ANO3: variants seen among roughly 807,000 people sequenced by gnomAD.
The protein encoded by ANO3 is anoctamin-3.
ANO3 carries 99 observed loss-of-function variants against 144.8 expected under a neutral mutation model. The ratio of observed to expected loss-of-function variants is 0.68; its 90% CI spans 0.58 to 0.81. The LOEUF (loss-of-function observed/expected upper bound fraction) is 0.81, where lower values mean the gene tolerates loss of function less well. ANO3 is among the 30% of genes least tolerant of loss of function. ANO3 has a pLI of 0.00. For missense variants in ANO3, 905 were observed against 1,202.2 expected, an observed-to-expected ratio of 0.75 and a Z score of 3.66; for synonymous variants, 414 against 392.6, an observed-to-expected ratio of 1.05 and a Z score of -0.64.
Position 26,641,866 on chromosome 11 carries a change from C to T in ANO3, c.2142-30C>T, listed in dbSNP as rs1213115625. 7 of 1,606,532 alleles carry T rather than the reference C, an allele frequency of 4.4e-6. No individual in the cohort carries two copies. In the Admixed American group the frequency reaches 1.0e-4, roughly 23 times the overall value. ...TTAACCAGATGCTTGAATCAGAGCT[C>T]AAAAGTCCTTGGTCTGCTCTGTGAT... On this transcript the variant is annotated intron_variant, in intron 21 of 26. Transcript: ENST00000256737.
chr11:26,425,699 A>G (rs1295572256), intron 1 of ANO3, among the ~76,000 whole-genome samples: 1 of 152,120 alleles, frequency 6.6e-6, no homozygotes, highest in Non-Finnish European at 1.5e-5. Flanking sequence ...ATTTCATTCA[A>G]AATTTGCTTT....
chr11:26,662,689 A>G lies in ANO3; in HGVS notation c.*2245A>G, dbSNP rs1200453587. 6.6e-6 allele frequency: 1 copy of G among 152,082 alleles called. No homozygotes were observed. Among genetic ancestry groups the G allele is most frequent in the African/African-American group, 2.4e-5 (1 of 41,442 alleles). The allele number at this position is 152,082 out of a possible 1,614,324, so 9.4% of individuals were successfully genotyped here. A position where few individuals can be genotyped will look rare whatever the true frequency, so the allele number is the denominator to read the frequency against. On this transcript the variant is annotated 3_prime_UTR_variant, in exon 27 of 27. Coordinates refer to ENST00000256737, the MANE Select transcript of ANO3 (RefSeq NM_031418.4). Reference sequence around the variant, plus strand: ...AAAATTGTAATACATTGATTTATAAAATGCCTTCTCTGATACTTTTGAAAC... The same window carrying G: ...AAAATTGTAATACATTGATTTATAAGATGCCTTCTCTGATACTTTTGAAAC...
intron 1 of ANO3, among the ~76,000 whole-genome samples, chr11:26,417,133 G>C (rs1266219613): frequency 1.3e-5 from 2 of 152,034 alleles, no homozygotes; most frequent in East Asian, 3.9e-4. Flanking sequence ...CATGATTCTA[G>C]AAAATGAATC....
intron 1 of ANO3, among the ~76,000 whole-genome samples, chr11:26,422,878 A>G (rs16915662): frequency 0.15 from 22,862 of 151,934 alleles, 1,903 homozygotes; most frequent in South Asian, 0.3. Flanking sequence ...CTCTGAGAAC[A>G]TTAGGATATC....
At chr11:26,270,302 C>T (rs1227104928) in intron 1 of ANO3, among the ~76,000 whole-genome samples, 1 of 152,052 alleles carries the variant, frequency 6.6e-6, no homozygotes, top group Non-Finnish European at 1.5e-5. Flanking sequence ...ATTTAAACTT[C>T]TTGATTGGGG....
chr11:26,635,310 A>G (rs1467155962), intron 20 of ANO3, among the ~76,000 whole-genome samples: 1 of 151,726 alleles, frequency 6.6e-6, no homozygotes, highest in Non-Finnish European at 1.5e-5. Flanking sequence ...TTATTTACAG[A>G]CCCCAGGAAT....
intron 3 of ANO3, among the ~76,000 whole-genome samples, chr11:26,448,945 A>G (rs1858813338): frequency 6.6e-6 from 1 of 152,172 alleles, no homozygotes; most frequent in Admixed American, 6.5e-5. Flanking sequence ...CTCCTTATAG[A>G]TGATTTTCCA....
At chr11:26,565,622 G>T (rs534399976) in intron 14 of ANO3, 1 of 1,612,410 alleles carries the variant, frequency 6.2e-7, no homozygotes, top group East Asian at 2.2e-5. Context: ...CGTGGCTGTT[G>T]TTGGGTAGAT....
chr11:26,295,515 C>CAAAAAAA (rs71047842), intron 1 of ANO3, among the ~76,000 whole-genome samples: 2 of 66,112 alleles, frequency 3.0e-5, no homozygotes, highest in African/African-American at 8.6e-5. Flanking sequence ...GACTCTGTCT[C>CAAAAAAA]AAAAAAAAAA....
At chr11:26,353,554 A>G (rs568809293) in intron 1 of ANO3, among the ~76,000 whole-genome samples, 1 of 151,840 alleles carries the variant, frequency 6.6e-6, no homozygotes, top group Admixed American at 6.6e-5. Context: ...CCTCCCTTCA[A>G]TTCCTTTCTT....
At chr11:26,570,319 C>CA (rs1850771390) in intron 14 of ANO3, among the ~76,000 whole-genome samples, 1 of 151,858 alleles carries the variant, frequency 6.6e-6, no homozygotes, top group Non-Finnish European at 1.5e-5. Flanking sequence ...AAAACAAAAA[C>CA]AAAAAACACC....
At chr11:26,242,129 T>C (rs532634110) in intron 1 of ANO3, among the ~76,000 whole-genome samples, 1 of 152,226 alleles carries the variant, frequency 6.6e-6, no homozygotes, top group Admixed American at 6.5e-5. Context: ...GTTGAAATTG[T>C]TGAAAACATT....
intron 17 of ANO3, among the ~76,000 whole-genome samples, chr11:26,619,133 T>C (rs1852341918): frequency 1.3e-5 from 2 of 152,232 alleles, no homozygotes; most frequent in African/African-American, 2.4e-5. Context: ...AAATATTTTA[T>C]TCACCAAATA....
chr11:26,289,579 TCC>T (rs1564950514), intron 1 of ANO3, among the ~76,000 whole-genome samples: 26 of 115,522 alleles, frequency 2.3e-4, no homozygotes, highest in Non-Finnish European at 2.9e-4. Flanking sequence ...TACACATATA[TCC>T]TATATGTGTG....
chr11:26,363,317 A>G (rs1008386684), intron 1 of ANO3, among the ~76,000 whole-genome samples: 1 of 152,224 alleles, frequency 6.6e-6, no homozygotes, highest in Non-Finnish European at 1.5e-5. Context: ...TAGAGATGCC[A>G]TAACAAAATA....
At chr11:26,453,412 A>T (rs1389003937) in intron 3 of ANO3, among the ~76,000 whole-genome samples, 1 of 152,194 alleles carries the variant, frequency 6.6e-6, no homozygotes, top group Non-Finnish European at 1.5e-5. Context: ...AAAACGAAAA[A>T]AGGCAGGGGT....
chr11:26,635,104 G>A, intron 20 of ANO3, 34 bp downstream of exon 20: 2 of 1,597,636 alleles, frequency 1.3e-6, no homozygotes, highest in Non-Finnish European at 1.7e-6. Flanking sequence ...TGCAGGAATG[G>A]GCATGGATAT....
intron 1 of ANO3, among the ~76,000 whole-genome samples, chr11:26,324,507 C>A (rs376030291): frequency 1.6e-4 from 25 of 152,272 alleles, no homozygotes; most frequent in African/African-American, 6.0e-4. Flanking sequence ...AATGACTGGA[C>A]AACACAAAGA....
intron 14 of ANO3, among the ~76,000 whole-genome samples, chr11:26,583,044 G>A (rs562809955): frequency 6.6e-6 from 1 of 152,260 alleles, no homozygotes; most frequent in South Asian, 2.1e-4. Context: ...TCAATTGAGA[G>A]TATTCAATTT....
Sources: allele counts gnomAD v4.1 joint callset (sites outside exome capture counted in the v4.1 genomes callset), GRCh38; gene constraint gnomAD v4.1.1; transcripts MANE v1.5; gene names NCBI Gene and HGNC (gene_info 2026-07-23, HGNC 2026-07-21).